The following CAMK1D variants were observed in gnomAD, a reference collection of about 807,000 sequenced individuals.
CAMK1D encodes calcium/calmodulin-dependent protein kinase type 1D.
A neutral mutation model predicts 47.7 loss-of-function variants in CAMK1D; 9 were observed. The observed-to-expected ratio is 0.19, with a 90% confidence interval of 0.11 to 0.33. The LOEUF is 0.33. Among genes scored for constraint, CAMK1D ranks in the 10% least tolerant of loss-of-function variants. CAMK1D has a pLI of 1.00. For synonymous variants in CAMK1D, 184 were observed against 184.9 expected (o/e 0.99, Z 0.04); for missense variants, 291 against 488.7 (o/e 0.60, Z 3.81).
Position 12,814,181 on chromosome 10 carries a change from A to G in CAMK1D, c.642-14A>G, listed in dbSNP as rs1378744983. ...ATGCAGATGTTCCAGCTTTTACTCC[A>G]TTTTGTCTCCTAGGCTCTGCGGCTA... On this transcript the variant is annotated splice_polypyrimidine_tract_variant and intron_variant, in intron 6 of 10. Coordinates refer to ENST00000619168, the MANE Select transcript of CAMK1D (RefSeq NM_153498.4). 6.4e-7 allele frequency: 1 copy of G among 1,568,934 alleles called. No individual in the cohort carries two copies. Among genetic ancestry groups the G allele is most frequent in the Non-Finnish European group, 8.8e-7 (1 of 1,139,484 alleles).
At chr10:12,584,222 G>A (rs903318561) in intron 2 of CAMK1D, among the ~76,000 whole-genome samples, 1 of 152,124 alleles carries the variant, frequency 6.6e-6, no homozygotes, top group Non-Finnish European at 1.5e-5. Flanking sequence ...ATTTGGAAAA[G>A]TAGCAATACA....
At chr10:12,557,462 G>A (rs1417791661) in intron 2 of CAMK1D, among the ~76,000 whole-genome samples, 2 of 147,880 alleles carry the variant, frequency 1.4e-5, no homozygotes, top group African/African-American at 5.0e-5. Context: ...TGAGGCAGGA[G>A]AATGGTGTGA....
At position 12,824,540 on chromosome 10, in the gene CAMK1D, G is replaced by A; in HGVS notation, c.909G>A (p.Lys303=). The A allele has an allele frequency of 6.2e-7, 1 of 1,613,876 alleles. No homozygotes were observed. Among genetic ancestry groups the A allele is most frequent in the Non-Finnish European group, 8.5e-7 (1 of 1,179,784 alleles). The stretch of plus-strand genomic sequence containing the variant: ...CCCAGATCCGGAAAAACTTTGCCAA[G>A]AGCAAATGGAGAGTAAGTGTGGAGT... The part of the protein sequence containing the change: ...VSAQIRKNFA[K]SKWRQAFNAT... Residue 303 remains lysine, a synonymous_variant, in exon 9 of 11, where the codon AAG becomes AAA. Coordinates refer to ENST00000619168, the MANE Select transcript of CAMK1D (RefSeq NM_153498.4).
At chr10:12,389,326 T>C (rs948519125) in intron 1 of CAMK1D, among the ~76,000 whole-genome samples, 10 of 152,154 alleles carry the variant, frequency 6.6e-5, no homozygotes, top group Admixed American at 1.3e-4. Flanking sequence ...CCATTGCTCT[T>C]GGGACAGGCT....
At chr10:12,707,877 T>C (rs1833787717) in intron 3 of CAMK1D, among the ~76,000 whole-genome samples, 1 of 152,144 alleles carries the variant, frequency 6.6e-6, no homozygotes, top group South Asian at 2.1e-4. Context: ...CTCCAAGGCC[T>C]TCTGTTGGGA....
chr10:12,420,914 C>A (rs1473958480), intron 1 of CAMK1D, among the ~76,000 whole-genome samples: 1 of 152,190 alleles, frequency 6.6e-6, no homozygotes, highest in African/African-American at 2.4e-5. Context: ...GGAGCTCCTG[C>A]CACGTCTGTT....
At chr10:12,448,092 G>C (rs934178649) in intron 1 of CAMK1D, among the ~76,000 whole-genome samples, 4 of 152,198 alleles carry the variant, frequency 2.6e-5, no homozygotes, top group African/African-American at 9.7e-5. Context: ...GACCTTAAGT[G>C]ATCCTCCTGC....
chr10:12,461,089 G>A (rs1833407852), intron 1 of CAMK1D, among the ~76,000 whole-genome samples: 1 of 152,162 alleles, frequency 6.6e-6, no homozygotes, highest in South Asian at 2.1e-4. Flanking sequence ...TCTGGGGCTG[G>A]CCAGGGCAGT....
intron 1 of CAMK1D, among the ~76,000 whole-genome samples, chr10:12,463,397 C>T (rs889748325): frequency 6.6e-6 from 1 of 152,110 alleles, no homozygotes; most frequent in Admixed American, 6.6e-5. Flanking sequence ...CTCAGCCTCC[C>T]AAAGTGTTGG....
chr10:12,569,782 AG>A (rs1349920281), intron 2 of CAMK1D, among the ~76,000 whole-genome samples: 4 of 151,816 alleles, frequency 2.6e-5, no homozygotes, highest in Non-Finnish European at 5.9e-5. Flanking sequence ...ACCTAGGAAA[AG>A]GAATATTTTT....
intron 2 of CAMK1D, among the ~76,000 whole-genome samples, chr10:12,572,713 C>A (rs914984159): frequency 1.3e-5 from 2 of 152,120 alleles, no homozygotes; most frequent in South Asian, 2.1e-4. Flanking sequence ...CTCATTGTAG[C>A]CTCAAGCTCC....
intron 2 of CAMK1D, among the ~76,000 whole-genome samples, chr10:12,648,986 C>A (rs990705579): frequency 2.0e-5 from 3 of 152,136 alleles, no homozygotes; most frequent in African/African-American, 7.2e-5. Context: ...ACCGCCTCAG[C>A]CTTCTGAGTA....
chr10:12,751,118 TAA>T (rs1835958483), intron 3 of CAMK1D, among the ~76,000 whole-genome samples: 55 of 98,176 alleles, frequency 5.6e-4, no homozygotes, highest in Admixed American at 4.3e-3. Context: ...TAAGATAAGA[TAA>T]GATAAGAAGG....
At chr10:12,524,189 T>C (rs1835541705) in intron 1 of CAMK1D, among the ~76,000 whole-genome samples, 1 of 151,646 alleles carries the variant, frequency 6.6e-6, no homozygotes, top group African/African-American at 2.4e-5. Flanking sequence ...ATGGTCTTGA[T>C]CTCCTGAGAT....
At chr10:12,695,366 C>T (rs1341799153) in intron 3 of CAMK1D, among the ~76,000 whole-genome samples, 1 of 152,072 alleles carries the variant, frequency 6.6e-6, no homozygotes, top group Non-Finnish European at 1.5e-5. Context: ...TTGTGACTTT[C>T]CAAAGAGCCA....
At chr10:12,427,459 C>T (rs540151523) in intron 1 of CAMK1D, among the ~76,000 whole-genome samples, 7 of 152,230 alleles carry the variant, frequency 4.6e-5, no homozygotes, top group African/African-American at 1.4e-4. Context: ...TCCCATCAGC[C>T]GGCCCCCAAG....
chr10:12,585,444 G>T (rs1403292960), intron 2 of CAMK1D, among the ~76,000 whole-genome samples: 1 of 152,192 alleles, frequency 6.6e-6, no homozygotes, highest in African/African-American at 2.4e-5. Flanking sequence ...GCTCAGTCTG[G>T]ACCACTGTAT....
chr10:12,620,186 C>CA lies in CAMK1D; in HGVS notation c.225-46518dup, dbSNP rs56027797. Among the ~76,000 whole-genome samples the CA allele has an allele frequency of 8.6e-3, 747 of 86,550 alleles. 68 individuals are homozygous for CA. Among genetic ancestry groups the CA allele is most frequent in the African/African-American group, 0.027 (530 of 19,766 alleles). The allele number at this position is 86,550 out of a possible 152,430, so 56.8% of individuals were successfully genotyped here. On this transcript the variant is annotated intron_variant, in intron 2 of 10. Coordinates refer to ENST00000619168, the MANE Select transcript of CAMK1D (RefSeq NM_153498.4). Reference sequence around the variant, plus strand: ...TGGGCGACAGAGCGAGACTCCGTCTCAAAAAAAAAAAAAAAAAAAAAAAAA... The same window carrying CA: ...TGGGCGACAGAGCGAGACTCCGTCTCAAAAAAAAAAAAAAAAAAAAAAAAAA...
At chr10:12,552,392 C>T (rs1315939209) in intron 1 of CAMK1D, among the ~76,000 whole-genome samples, 1 of 152,210 alleles carries the variant, frequency 6.6e-6, no homozygotes, top group East Asian at 1.9e-4. Flanking sequence ...GTCTGTACCA[C>T]CTGCAATACC....
Sources: allele counts gnomAD v4.1 joint callset (sites outside exome capture counted in the v4.1 genomes callset), GRCh38; gene constraint gnomAD v4.1.1; transcripts MANE v1.5; gene names NCBI Gene and HGNC (gene_info 2026-07-23, HGNC 2026-07-21).